Variants in PRKG1 observed in about 807,000 individuals in gnomAD.
The protein encoded by PRKG1 is protein kinase cGMP-dependent 1.
PRKG1 carries 35 observed loss-of-function variants against 88.1 expected under a neutral mutation model. That is an observed-to-expected ratio of 0.40 (90% confidence interval 0.30 to 0.53). The LOEUF is 0.53. Ranked by LOEUF, PRKG1 falls within the 20% of genes least tolerant of loss-of-function variation. The pLI, the probability that PRKG1 is intolerant of heterozygous loss-of-function variation, is 0.59. For missense variants in PRKG1, 540 were observed against 839.8 expected, an observed-to-expected ratio of 0.64 and a Z score of 4.41; for synonymous variants, 303 against 292.5, an observed-to-expected ratio of 1.04 and a Z score of -0.37.
intron 3 of PRKG1, among the ~76,000 whole-genome samples, chr10:51,593,971 C>T (rs542151239): frequency 3.3e-5 from 5 of 152,168 alleles, no homozygotes; most frequent in East Asian, 1.9e-4. Context: ...GTAATCTACC[C>T]GCCCTTGGCC....
At chr10:51,933,440 C>A (rs142085033) in intron 5 of PRKG1, among the ~76,000 whole-genome samples, 2 of 151,900 alleles carry the variant, frequency 1.3e-5, no homozygotes, top group Non-Finnish European at 2.9e-5. Context: ...TTTTTATAAC[C>A]GATAATTTCA....
intron 3 of PRKG1, among the ~76,000 whole-genome samples, chr10:51,707,591 T>C (rs1274277022): frequency 7.1e-6 from 1 of 141,800 alleles, no homozygotes; most frequent in East Asian, 2.0e-4. Flanking sequence ...GCATGAATCT[T>C]TTTTTTTTTT....
intron 2 of PRKG1, among the ~76,000 whole-genome samples, chr10:51,392,135 A>T (rs1045562030): frequency 3.4e-5 from 5 of 147,304 alleles, no homozygotes; most frequent in Non-Finnish European, 7.5e-5. Context: ...TACATGATGA[A>T]TTTTTTTTTT....
intron 1 of PRKG1, among the ~76,000 whole-genome samples, chr10:51,100,312 CT>C (rs1844648071): frequency 6.6e-6 from 1 of 152,150 alleles, no homozygotes; most frequent in Non-Finnish European, 1.5e-5. Flanking sequence ...ATGCTGTAGA[CT>C]TTTGAAATTT....
chr10:51,235,258 T>C (rs1160647507), intron 2 of PRKG1, among the ~76,000 whole-genome samples: 5 of 152,204 alleles, frequency 3.3e-5, no homozygotes, highest in Admixed American at 2.0e-4. Context: ...ATTTGCTTAC[T>C]TGTTTCTCAA....
chr10:51,153,390 G>T, intron 2 of PRKG1, 60 bp downstream of exon 2: 1 of 1,450,022 alleles, frequency 6.9e-7, no homozygotes, highest in South Asian at 1.5e-5. Flanking sequence ...CTTATCAGCT[G>T]CACACAGATG....
intron 1 of PRKG1, among the ~76,000 whole-genome samples, chr10:51,017,383 T>G (rs1385546560): frequency 1.3e-5 from 2 of 152,194 alleles, no homozygotes; most frequent in Non-Finnish European, 2.9e-5. Flanking sequence ...TGACTCCCCT[T>G]TTAGTGTACC....
intron 1 of PRKG1, among the ~76,000 whole-genome samples, chr10:51,059,116 A>T (rs868155800): frequency 6.6e-6 from 1 of 152,186 alleles, no homozygotes; most frequent in African/African-American, 2.4e-5. Flanking sequence ...ACTTATTTTA[A>T]TAGTTTATAT....
chr10:51,080,428 T>C (rs1485262394), intron 1 of PRKG1, among the ~76,000 whole-genome samples: 1 of 134,624 alleles, frequency 7.4e-6, no homozygotes, highest in Non-Finnish European at 1.5e-5. Context: ...TTATAAGGCA[T>C]ATGGACACAT....
chr10:51,205,127 C>CTTTTTTTTTTTTTTTTTTTTTT lies in PRKG1; in HGVS notation c.478+51806_478+51827dup. 7.0e-4 allele frequency among the ~76,000 whole-genome samples: 45 copies of CTTTTTTTTTTTTTTTTTTTTTT among 64,008 alleles called. 1 individual carries two copies. The highest frequency in any genetic ancestry group is 1.3e-3 in the African/African-American group (22 of 17,272). 42.0% of individuals were successfully genotyped at this position (64,008 alleles called of 152,430 possible). On this transcript the variant is annotated intron_variant, in intron 2 of 17. Coordinates refer to ENST00000373980, the MANE Select transcript of PRKG1 (RefSeq NM_006258.4). ...TAAGGAAGAATTTTCATTTTCTTTT[C>CTTTTTTTTTTTTTTTTTTTTTT]TTTTTTTTTTTTTTTTTTTTTTTTT...
intron 3 of PRKG1, among the ~76,000 whole-genome samples, chr10:51,493,705 C>T (rs1011195910): frequency 8.5e-5 from 13 of 152,144 alleles, no homozygotes; most frequent in East Asian, 1.9e-4. Flanking sequence ...CTGCTCCACA[C>T]GATTCAAAAT....
At chr10:51,405,193 CT>C (rs1303195444) in intron 2 of PRKG1, among the ~76,000 whole-genome samples, 1 of 152,198 alleles carries the variant, frequency 6.6e-6, no homozygotes, top group Non-Finnish European at 1.5e-5. Flanking sequence ...TGACAATTTA[CT>C]GTACAGATGC....
intron 3 of PRKG1, among the ~76,000 whole-genome samples, chr10:51,507,785 G>A (rs1228751782): frequency 6.6e-6 from 1 of 152,062 alleles, no homozygotes; most frequent in Non-Finnish European, 1.5e-5. Flanking sequence ...GAAGGCTAGA[G>A]CTCTTTCAAT....
chr10:52,093,214 G>A lies in PRKG1; in HGVS notation c.935+30583G>A, dbSNP rs563402195. On this transcript the variant is annotated intron_variant, in intron 7 of 17. Transcript: ENST00000373980. ...GAAGTGAAGATTACTACGTAATAGA[G>A]ACGTTTTGTTTCTTTAGGTGAAAAT... Among the ~76,000 whole-genome samples, 156 of 152,282 alleles carry A rather than the reference G, an allele frequency of 1.0e-3. 1 individual carries two copies. The highest frequency in any genetic ancestry group is 3.7e-3 in the African/African-American group (152 of 41,576).
intron 4 of PRKG1, among the ~76,000 whole-genome samples, chr10:51,851,520 A>G (rs1347196535): frequency 6.6e-6 from 1 of 152,234 alleles, no homozygotes; most frequent in Non-Finnish European, 1.5e-5. Context: ...AATAAGGCCT[A>G]TGGAGGTGAT....
chr10:51,602,760 G>A (rs1482643431), intron 3 of PRKG1, among the ~76,000 whole-genome samples: 4 of 132,536 alleles, frequency 3.0e-5, no homozygotes, highest in East Asian at 2.0e-4. Context: ...GTGTGTGTGT[G>A]TGTGTGTGTG....
At chr10:51,979,761 G>C (rs71508094) in intron 5 of PRKG1, among the ~76,000 whole-genome samples, 1 of 151,432 alleles carries the variant, frequency 6.6e-6, no homozygotes, top group Non-Finnish European at 1.5e-5. Flanking sequence ...ATTTCTTCTA[G>C]ATTTTCTAGT....
chr10:51,461,074 T>TAATG (rs1839731617), intron 2 of PRKG1, among the ~76,000 whole-genome samples: 2 of 152,174 alleles, frequency 1.3e-5, no homozygotes, highest in African/African-American at 2.4e-5. Context: ...AGAATAACTA[T>TAATG]AATGGTTTTA....
chr10:51,575,938 T>A (rs1399501947), intron 3 of PRKG1, among the ~76,000 whole-genome samples: 1 of 151,916 alleles, frequency 6.6e-6, no homozygotes, highest in Non-Finnish European at 1.5e-5. Flanking sequence ...AGATAGATTA[T>A]ATACAAATAA....
Sources: allele counts gnomAD v4.1 joint callset (sites outside exome capture counted in the v4.1 genomes callset), GRCh38; gene constraint gnomAD v4.1.1; transcripts MANE v1.5; gene names NCBI Gene and HGNC (gene_info 2026-07-23, HGNC 2026-07-21).